DHX57: variants seen among roughly 807,000 people sequenced by gnomAD.
DHX57 encodes putative ATP-dependent RNA helicase DHX57.
A neutral mutation model predicts 156.2 loss-of-function variants in DHX57; 105 were observed. That is an observed-to-expected ratio of 0.67 (90% confidence interval 0.57 to 0.79). The LOEUF (loss-of-function observed/expected upper bound fraction) is 0.79, where lower values mean the gene tolerates loss of function less well. Ranked by LOEUF, DHX57 falls within the 30% of genes least tolerant of loss-of-function variation. The pLI is 0.00. For missense variants in DHX57, 1,847 were observed against 1,661.9 expected, an observed-to-expected ratio of 1.11 and a Z score of -1.94; for synonymous variants, 704 against 595.6, an observed-to-expected ratio of 1.18 and a Z score of -2.65.
At chr2:38,833,433 G>A (rs1671484668) in intron 13 of DHX57, among the ~76,000 whole-genome samples, 1 of 152,092 alleles carries the variant, frequency 6.6e-6, no homozygotes, top group Admixed American at 6.6e-5. Context: ...GTGAGCCACA[G>A]CACCCGGCCT....
At position 38,841,533 on chromosome 2, in the gene DHX57, C is replaced by T. The variant is rs976940671; in HGVS notation, c.2425+1472G>A. 3.3e-5 allele frequency among the ~76,000 whole-genome samples: 5 copies of T among 152,198 alleles called. No homozygotes were observed. In the East Asian group the frequency reaches 9.6e-4, roughly 29 times the overall value. On this transcript the variant is annotated intron_variant, in intron 12 of 23. Coordinates refer to ENST00000457308, the MANE Select transcript of DHX57 (RefSeq NM_198963.3). ...TAATATCTTAATTCCTTGGTGATTA[C>T]CATTCCACATCCAGGATTGGGAACT... is the stretch of plus-strand genomic sequence containing the variant.
At chr2:38,838,079 T>C in intron 12 of DHX57, 132 bp from the exon 13 acceptor site, 1 of 654,950 alleles carries the variant, frequency 1.5e-6, no homozygotes, top group South Asian at 1.9e-5. Flanking sequence ...TATTAACATT[T>C]AATGTACTGA....
chr2:38,863,923 G>C (rs1664903763), intron 2 of DHX57, among the ~76,000 whole-genome samples: 1 of 151,884 alleles, frequency 6.6e-6, no homozygotes, highest in African/African-American at 2.4e-5. Flanking sequence ...TGAGGCAGGA[G>C]AATCACTTGA....
At chr2:38,838,506 A>T (rs1285248818) in intron 12 of DHX57, among the ~76,000 whole-genome samples, 1 of 152,216 alleles carries the variant, frequency 6.6e-6, no homozygotes, top group Non-Finnish European at 1.5e-5. Context: ...CAGATGGGCC[A>T]CTTTTTACTC....
chr2:38,811,400 G>C, intron 21 of DHX57: 1 of 568,594 alleles, frequency 1.8e-6, no homozygotes, highest in South Asian at 1.5e-5. Flanking sequence ...CCTGGGAAGA[G>C]AGGGGCCCAG....
chr2:38,873,112 C>T (rs1016959523), intron 1 of DHX57, among the ~76,000 whole-genome samples: 3 of 152,040 alleles, frequency 2.0e-5, no homozygotes, highest in African/African-American at 4.8e-5. Context: ...CTCAGCCTCC[C>T]GAGTAGCTGG....
At position 38,819,150 on chromosome 2, in the gene DHX57, GGA is replaced by G; in HGVS notation, c.3292-8_3292-7del. 6.2e-7 allele frequency: 1 copy of G among 1,610,966 alleles called. No homozygotes were observed. Among genetic ancestry groups the G allele is most frequent in the Non-Finnish European group, 8.5e-7 (1 of 1,179,182 alleles). ...TTTTTATCCCAGGGAGATACCTAAA[GGA>G]GAGAGGAAAATCAGATTTAAAGAAC... On this transcript the variant is annotated splice_region_variant and splice_polypyrimidine_tract_variant and intron_variant, in intron 17 of 23. Transcript: ENST00000457308.
At chr2:38,858,938 G>C (rs1470083451) in intron 5 of DHX57, 102 bp from the exon 6 acceptor site, 5 of 1,176,760 alleles carry the variant, frequency 4.2e-6, no homozygotes, top group Admixed American at 7.0e-5. Flanking sequence ...AGTCAAAATG[G>C]AGAAAAAGTG....
Position 38,810,716 on chromosome 2 carries a change from C to A in DHX57, c.3681+3105G>T, listed in dbSNP as rs1008476572. 1.6e-5 allele frequency: 13 copies of A among 789,570 alleles called. No individual in the cohort carries two copies. In the East Asian group the frequency reaches 3.5e-4, roughly 21 times the overall value. 48.9% of individuals were successfully genotyped at this position (789,570 alleles called of 1,614,324 possible). A position where few individuals can be genotyped will look rare whatever the true frequency, so the allele number is the denominator to read the frequency against. On this transcript the variant is annotated intron_variant, in intron 21 of 23. Coordinates refer to ENST00000457308, the MANE Select transcript of DHX57 (RefSeq NM_198963.3). ...GGGTTGTGCCAGAAACCGGTGTACA[C>A]CAACTCAGCAAATTTCAAGCCCAGG...
At position 38,843,013 on chromosome 2, in the gene DHX57, C is replaced by T. The variant is rs1313052582; in HGVS notation, c.2417G>A (p.Arg806His). The T allele has an allele frequency of 8.7e-6, 14 of 1,613,758 alleles. No homozygotes were observed. The highest frequency in any genetic ancestry group is 3.3e-5 in the Admixed American group (2 of 59,976). The stretch of plus-strand genomic sequence containing the variant: ...CCCAAGAGGCATGTTACCTTTATAG[C>T]GGGCCAGGAGCTGCTTAAAATCTAA... ...QQLDFKQLLA[R>H]YKGVSKSVIK... Residue 806 changes from arginine (R) to histidine (H), a missense_variant, in exon 12 of 24, where the codon CGC becomes CAC. Arg to His is a conservative substitution (Grantham distance 29). Transcript: ENST00000457308.
chr2:38,860,307 G>A (rs1333638763), intron 5 of DHX57, among the ~76,000 whole-genome samples: 2 of 152,136 alleles, frequency 1.3e-5, no homozygotes, highest in African/African-American at 2.4e-5. Context: ...AAATTAGCCA[G>A]GCGTGGTGGC....
At chr2:38,870,378 C>A (rs1461481081) in intron 1 of DHX57, among the ~76,000 whole-genome samples, 1 of 152,158 alleles carries the variant, frequency 6.6e-6, no homozygotes, top group Non-Finnish European at 1.5e-5. Flanking sequence ...TGGCCTCCAA[C>A]TATTAGAAAA....
Position 38,823,027 on chromosome 2 carries a change from G to A in DHX57, c.3257C>T (p.Thr1086Ile), listed in dbSNP as rs565706584. 5.0e-6 allele frequency: 8 copies of A among 1,614,022 alleles called. No homozygotes were observed. In the South Asian group the frequency reaches 8.8e-5, roughly 18 times the overall value. ...CTTAAAAGCCAAACTGGCAGCAATGGTGAGAGCAGGATCCAAACAGCGGAA... is the reference window on the plus strand; with the variant it reads ...CTTAAAAGCCAAACTGGCAGCAATGATGAGAGCAGGATCCAAACAGCGGAA... ...SIFRCLDPAL[T>I]IAASLAFKSP... The change falls in exon 17 of 24, where the codon ACC becomes ATC. Residue 1086 changes from threonine to isoleucine, a missense_variant. Physicochemically the swap from Thr to Ile is moderately conservative, Grantham distance 89. Coordinates refer to ENST00000457308, the MANE Select transcript of DHX57 (RefSeq NM_198963.3).
At chr2:38,838,665 A>G (rs1572668090) in intron 12 of DHX57, 2 of 387,468 alleles carry the variant, frequency 5.2e-6, no homozygotes, top group Non-Finnish European at 1.0e-5. Context: ...GGTAACACTA[A>G]CCTATGGCAA....
intron 14 of DHX57, 147 bp from the exon 15 acceptor site, chr2:38,826,836 A>G (rs1022700962): frequency 5.5e-6 from 5 of 902,754 alleles, no homozygotes; most frequent in African/African-American, 5.1e-5. Flanking sequence ...GCTCTTCTAC[A>G]TAGTAAAGTC....
At chr2:38,835,604 G>A (rs1371311966) in intron 13 of DHX57, among the ~76,000 whole-genome samples, 1 of 152,042 alleles carries the variant, frequency 6.6e-6, no homozygotes, top group Non-Finnish European at 1.5e-5. Flanking sequence ...CTCTATATGC[G>A]GAGTTCATGA....
intron 3 of DHX57, chr2:38,863,086 C>A: frequency 3.1e-6 from 1 of 323,112 alleles, no homozygotes; most frequent in Non-Finnish European, 5.7e-6. Flanking sequence ...AAGGGTTTAT[C>A]TGGAAGGTTA....
At chr2:38,830,994 G>C (rs915024100) in intron 13 of DHX57, among the ~76,000 whole-genome samples, 1 of 152,090 alleles carries the variant, frequency 6.6e-6, no homozygotes, top group African/African-American at 2.4e-5. Context: ...GCTTAAGCCA[G>C]GAAGTTGGGG....
At chr2:38,829,905 T>A (rs910293461) in intron 13 of DHX57, among the ~76,000 whole-genome samples, 1 of 152,238 alleles carries the variant, frequency 6.6e-6, no homozygotes, top group African/African-American at 2.4e-5. Context: ...AATCATATCA[T>A]GTTAACAGTT....
Sources: allele counts gnomAD v4.1 joint callset (sites outside exome capture counted in the v4.1 genomes callset), GRCh38; gene constraint gnomAD v4.1.1; transcripts MANE v1.5; gene names NCBI Gene and HGNC (gene_info 2026-07-23, HGNC 2026-07-21).